Variants in THAP7 observed in about 807,000 individuals in gnomAD.
THAP7 encodes the protein THAP domain-containing protein 7.
Under a neutral mutation model 29.2 loss-of-function variants are expected in THAP7, and 22 were observed. That is an observed-to-expected ratio of 0.75 (90% CI 0.54 to 1.08). The LOEUF is 1.08. Ranked by LOEUF, THAP7 falls within the 50% of genes least tolerant of loss-of-function variation. The probability of loss-of-function intolerance (pLI) is 0.00; values close to 1 mark genes in which losing one functional copy is unlikely to be tolerated. For synonymous variants in THAP7, 208 were observed against 173.4 expected (o/e 1.20, Z -1.57); for missense variants, 448 against 416.2 (o/e 1.08, Z -0.66).
intron 1 of THAP7, 140 bp downstream of exon 1, chr22:21,001,692 A>G: frequency 9.6e-7 from 1 of 1,045,002 alleles, no homozygotes; most frequent in Non-Finnish European, 1.3e-6. Context: ...TCCCGCCGGG[A>G]CCGTTCCGCT....
chr22:21,000,868 G>C, intron 2 of THAP7, 81 bp from the exon 3 acceptor site: 1 of 1,588,712 alleles, frequency 6.3e-7, no homozygotes. Context: ...GCAGCGCCGT[G>C]GGATGCTGGA....
At position 20,999,546 on chromosome 22, in the gene THAP7, A is replaced by G. The variant is rs1925026398; in HGVS notation, c.*334T>C. The G allele has an allele frequency of 3.3e-6, 1 of 304,788 alleles. No homozygotes were observed. The allele number at this position is 304,788 out of a possible 1,614,324, so 18.9% of individuals were successfully genotyped here. On this transcript the variant is annotated 3_prime_UTR_variant, in exon 4 of 4. Transcript: ENST00000215742. ...GCCTGGAGCTGTCTTCCTGGCCCCT[A>G]CTCACACCATCCTGCCCCTTCAGAG... is the stretch of plus-strand genomic sequence containing the variant.
intron 1 of THAP7, 65 bp downstream of exon 1, chr22:21,001,767 T>C (rs949703328): frequency 3.3e-6 from 5 of 1,492,922 alleles, no homozygotes; most frequent in African/African-American, 2.8e-5. Context: ...CTCTACGCAG[T>C]TGCGACCCGA....
chr22:20,999,627 T>G lies in THAP7; in HGVS notation c.*253A>C. 1.9e-6 allele frequency: 1 copy of G among 535,572 alleles called. No homozygotes were observed. The highest frequency in any genetic ancestry group is 2.3e-5 in the South Asian group (1 of 42,814). The allele number at this position is 535,572 out of a possible 1,614,324, so 33.2% of individuals were successfully genotyped here. ...GGGCTGACTGCCACCTGTCTACCAG[T>G]AGCTCTGAGGGGTGAGAGCCAGGCT... On this transcript the variant is annotated 3_prime_UTR_variant, in exon 4 of 4. Coordinates refer to ENST00000215742, the MANE Select transcript of THAP7 (RefSeq NM_030573.3).
chr22:20,999,913 G>A lies in THAP7; in HGVS notation c.897C>T (p.Asp299=). The A allele has an allele frequency of 1.2e-6, 2 of 1,610,778 alleles. No individual in the cohort carries two copies. The highest frequency in any genetic ancestry group is 1.7e-6 in the Non-Finnish European group (2 of 1,179,960). The stretch of plus-strand genomic sequence containing the variant: ...TGCTGCTGCTCAGCTGCATGGCAAA[G>A]TCCTGCACATGCTCCTTCAGAGTCT... ...ARQTLKEHVQ[D]FAMQLSSSMA The change falls in exon 4 of 4, where the codon GAC becomes GAT. Residue 299 remains aspartate, a synonymous_variant. Transcript: ENST00000215742.
Position 21,000,215 on chromosome 22 carries a change from G to C in THAP7, c.595C>G (p.Arg199Gly). The change falls in exon 4 of 4, where the codon CGG (arginine) becomes GGG (glycine). Residue 199 changes from arginine (R) to glycine (G), a missense_variant. By Grantham distance (125) the Arg-to-Gly change is moderately radical. Transcript: ENST00000215742. ...AGCSAQPSPE[R>G]QPSPLEPRPV... ...CGTGGTTCGAGAGGGGAGGGCTGCCGCTCTGGTGAAGGCTGGGCGCTGCAG... is the reference window on the plus strand; with the variant it reads ...CGTGGTTCGAGAGGGGAGGGCTGCCCCTCTGGTGAAGGCTGGGCGCTGCAG... The C allele has an allele frequency of 6.4e-7, 1 of 1,558,550 alleles. No homozygotes were observed. Among genetic ancestry groups the C allele is most frequent in the East Asian group, 2.4e-5 (1 of 41,712 alleles).
rs1339252660 is a variant in THAP7, at chr22:21,000,773, A to T, written c.251T>A (p.Leu84Gln). 6.2e-7 allele frequency: 1 copy of T among 1,614,156 alleles called. No homozygotes were observed. Among genetic ancestry groups the T allele is most frequent in the East Asian group, 2.2e-5 (1 of 44,882 alleles). Residue 84 changes from leucine to glutamine, a missense_variant, in exon 3 of 4, where the codon CTA (leucine) becomes CAA (glutamine). By Grantham distance (113) the Leu-to-Gln change is moderately radical (BLOSUM62 -2). Coordinates refer to ENST00000215742, the MANE Select transcript of THAP7 (RefSeq NM_030573.3). ...ELVGISGYHR[L>Q]KEGAVPTIFE... Reference sequence around the variant, plus strand: ...TATGGTGGGGACTGCCCCCTCCTTTAGCCTGTGATATCCACTGCGGGGAAA... The same window carrying T: ...TATGGTGGGGACTGCCCCCTCCTTTTGCCTGTGATATCCACTGCGGGGAAA...
chr22:21,001,287 C>T lies in THAP7; in HGVS notation c.205G>A (p.Glu69Lys), dbSNP rs145388226. Residue 69 changes from glutamate to lysine, a missense_variant, in exon 2 of 4, where the codon GAG becomes AAG. Coordinates refer to ENST00000215742, the MANE Select transcript of THAP7 (RefSeq NM_030573.3). ...EYIYFCSKHF[E>K]EDCFELVGIS... ...CCCACCAGCTCAAAGCAGTCCTCCT[C>T]AAAGTGTTTGGAGCAGAAGTAGATG... is the stretch of plus-strand genomic sequence containing the variant. The T allele has an allele frequency of 3.7e-6, 6 of 1,614,040 alleles. No homozygotes were observed. The highest frequency in any genetic ancestry group is 4.5e-5 in the East Asian group (2 of 44,882).
In THAP7 at chr22:21,001,954, C is replaced by T. The variant is rs913985158; in HGVS notation, c.-43G>A. 5 of 1,514,474 alleles carry T rather than the reference C, an allele frequency of 3.3e-6. No individual in the cohort carries two copies. The highest frequency in any genetic ancestry group is 2.5e-5 in the South Asian group (2 of 79,924). The allele number at this position is 1,514,474 out of a possible 1,614,324, so 93.8% of individuals were successfully genotyped here. On this transcript the variant is annotated 5_prime_UTR_variant, in exon 1 of 4. It removes an upstream start codon present in the reference 5' UTR. Coordinates refer to ENST00000215742, the MANE Select transcript of THAP7 (RefSeq NM_030573.3). The stretch of plus-strand genomic sequence containing the variant: ...GTTAAGTCGCAAGCGGCTCTCCGGG[C>T]ATCCGGAGGAGCCTCGCGCCTCCAG...
chr22:21,000,276 T>C lies in THAP7; in HGVS notation c.534A>G (p.Leu178=), dbSNP rs1250842733. The change falls in exon 4 of 4, where the codon CTA becomes CTG. Residue 178 remains leucine (L), a synonymous_variant. Coordinates refer to ENST00000215742, the MANE Select transcript of THAP7 (RefSeq NM_030573.3). ...CTGCCTGGGCACCCAAGGGGCCCAG[T>C]AGGTCTGAAAAGGGGCTGCTAAGGC... ...EPGLSSPFSD[L]LGPLGAQADE... 3 of 1,557,458 alleles carry C rather than the reference T, an allele frequency of 1.9e-6. No individual in the cohort carries two copies. Among genetic ancestry groups the C allele is most frequent in the Non-Finnish European group, 2.6e-6 (3 of 1,150,788 alleles).
At chr22:21,001,567 G>T in intron 1 of THAP7, 156 bp from the exon 2 acceptor site, 1 of 1,168,488 alleles carries the variant, frequency 8.6e-7, no homozygotes, top group Non-Finnish European at 1.2e-6. Flanking sequence ...CACAGACGAG[G>T]CAACGGAGGC....
Position 21,000,430 on chromosome 22 carries a change from C to T in THAP7, c.380G>A (p.Cys127Tyr). The change falls in exon 4 of 4, where the codon TGC (cysteine) becomes TAC (tyrosine). Residue 127 changes from cysteine (C) to tyrosine (Y), a missense_variant and splice_region_variant. Cys to Tyr is a radical substitution (Grantham distance 194). Coordinates refer to ENST00000215742, the MANE Select transcript of THAP7 (RefSeq NM_030573.3). ...AGTTGTGGGCCCTCGGCCCTCGGAG[C>T]AGCTGGTAAGGGGGAAGAGAGAGAC... Reference protein sequence around the residue: ...VSRLRRCRKRCSEGRGPTTPF... With the variant: ...VSRLRRCRKRYSEGRGPTTPF... 1.3e-6 allele frequency: 2 copies of T among 1,549,918 alleles called. No individual in the cohort carries two copies. The highest frequency in any genetic ancestry group is 1.7e-6 in the Non-Finnish European group (2 of 1,148,644).
chr22:21,001,584 A>T, intron 1 of THAP7, 173 bp from the exon 2 acceptor site: 1 of 1,070,672 alleles, frequency 9.3e-7, no homozygotes, highest in Non-Finnish European at 1.3e-6. Context: ...AGGCCTCGAG[A>T]AGAAAAGCAG....
intron 1 of THAP7, 115 bp from the exon 2 acceptor site, chr22:21,001,526 C>A (rs1296194449): frequency 4.1e-6 from 6 of 1,459,494 alleles, no homozygotes; most frequent in Non-Finnish European, 5.5e-6. Flanking sequence ...GACCTCCCTG[C>A]GACCCCGCCG....
In THAP7 at chr22:21,001,870, G is replaced by T. The variant is rs183339375; in HGVS notation, c.42C>A (p.Asp14Glu). 5.7e-6 allele frequency: 9 copies of T among 1,571,766 alleles called. No homozygotes were observed. The South Asian group carries it at 1.1e-4, about 18-fold the overall frequency. ...TGCCGCGGTTGCGCGTCTCGCGCGT[G>T]TCCCGTGTGCAGCAGCCGGCGGCGG... The part of the protein sequence containing the change: ...HCSAAGCCTR[D>E]TRETRNRGIS... Residue 14 changes from aspartate (D) to glutamate (E), a missense_variant, in exon 1 of 4, where the codon GAC becomes GAA. By Grantham distance (45) the Asp-to-Glu change is conservative. Coordinates refer to ENST00000215742, the MANE Select transcript of THAP7 (RefSeq NM_030573.3).
At position 21,001,300 on chromosome 22, in the gene THAP7, G is replaced by A. The variant is rs745625514; in HGVS notation, c.192C>T (p.Cys64=). Residue 64 remains cysteine (C), a synonymous_variant, in exon 2 of 4, where the codon TGC becomes TGT. Coordinates refer to ENST00000215742, the MANE Select transcript of THAP7 (RefSeq NM_030573.3). ...WDPASEYIYF[C]SKHFEEDCFE... The stretch of plus-strand genomic sequence containing the variant: ...AGCAGTCCTCCTCAAAGTGTTTGGA[G>A]CAGAAGTAGATGTACTCGGATGCCG... 6.2e-7 allele frequency: 1 copy of A among 1,614,178 alleles called. No homozygotes were observed. Among genetic ancestry groups the A allele is most frequent in the Non-Finnish European group, 8.5e-7 (1 of 1,180,022 alleles).
Position 21,000,793 on chromosome 22 carries a change from G to C in THAP7, c.237-6C>G. 6.2e-7 allele frequency: 1 copy of C among 1,614,096 alleles called. No individual in the cohort carries two copies. The highest frequency in any genetic ancestry group is 8.5e-7 in the Non-Finnish European group (1 of 1,179,990). On this transcript the variant is annotated splice_polypyrimidine_tract_variant and splice_region_variant and intron_variant, in intron 2 of 3. Coordinates refer to ENST00000215742, the MANE Select transcript of THAP7 (RefSeq NM_030573.3). The stretch of plus-strand genomic sequence containing the variant: ...CCTTTAGCCTGTGATATCCACTGCG[G>C]GGAAAAGCAACCCAGATGAGCTGGA...
chr22:20,999,963 T>TCTCCCGTGCCCGCTC lies in THAP7; in HGVS notation c.832_846dup (p.Glu278_Glu282dup). ...TGGCGGGCATCTGCCTGTGCCCGCT[T>TCTCCCGTGCCCGCTC]CTCCCGTGCCCGCTCCTGCTGCAGC... On this transcript the variant is annotated inframe_insertion, in exon 4 of 4. Coordinates refer to ENST00000215742, the MANE Select transcript of THAP7 (RefSeq NM_030573.3). 6.2e-7 allele frequency: 1 copy of TCTCCCGTGCCCGCTC among 1,612,734 alleles called. No homozygotes were observed. The highest frequency in any genetic ancestry group is 1.1e-5 in the South Asian group (1 of 91,080).
Position 21,000,067 on chromosome 22 carries a change from A to C in THAP7, c.743T>G (p.Leu248Arg), listed in dbSNP as rs771742388. 6.2e-7 allele frequency: 1 copy of C among 1,612,982 alleles called. No homozygotes were observed. The highest frequency in any genetic ancestry group is 8.5e-7 in the Non-Finnish European group (1 of 1,179,932). Residue 248 changes from leucine to arginine, a missense_variant, in exon 4 of 4, where the codon CTT becomes CGT. Transcript: ENST00000215742. ...LLWKRRAEAA[L>R]DALDKAQRQL... ...GCGCTGGGCCTTGTCAAGGGCATCA[A>C]GGGCTGCCTCGGCTCGCCGCTTCCA...
Sources: gnomAD v4.1 joint callset for allele counts on GRCh38, gnomAD v4.1.1 for gene constraint, MANE v1.5 for transcripts, NCBI Gene and HGNC (gene_info 2026-07-23, HGNC 2026-07-21) for gene names.